TNIK: variants seen among roughly 807,000 people sequenced by gnomAD.
The protein encoded by TNIK is TRAF2 and NCK-interacting protein kinase.
A neutral mutation model predicts 191.3 loss-of-function variants in TNIK; 49 were observed. That is an observed-to-expected ratio of 0.26 (90% CI 0.20 to 0.32). The LOEUF (loss-of-function observed/expected upper bound fraction) is 0.32. TNIK is among the 10% of genes least tolerant of loss of function. TNIK has a pLI of 1.00. For missense variants in TNIK, 1,155 were observed against 1,702.3 expected, an observed-to-expected ratio of 0.68 and a Z score of 5.66; for synonymous variants, 594 against 600.9, an observed-to-expected ratio of 0.99 and a Z score of 0.17.
Position 171,063,106 on chromosome 3 carries a change from TATC to T in TNIK, c.*772_*774del, listed in dbSNP as rs1252714216. On this transcript the variant is annotated 3_prime_UTR_variant, in exon 33 of 33. Coordinates refer to ENST00000436636, the MANE Select transcript of TNIK (RefSeq NM_015028.4). ...GGCCAGCTCAACTCAATGGCGTTAGTATCCTGTTCAACACACTCCATTCTGTAA... is the reference window on the plus strand; with the variant it reads ...GGCCAGCTCAACTCAATGGCGTTAGTCTGTTCAACACACTCCATTCTGTAA... 1 of 152,184 alleles carries T rather than the reference TATC, an allele frequency of 6.6e-6. No individual in the cohort carries two copies. Among genetic ancestry groups the T allele is most frequent in the Admixed American group, 6.5e-5 (1 of 15,268 alleles). The allele number at this position is 152,184 out of a possible 1,614,324, so 9.4% of individuals were successfully genotyped here.
chr3:171,098,632 C>T (rs1418585411), intron 22 of TNIK, among the ~76,000 whole-genome samples: 1 of 152,122 alleles, frequency 6.6e-6, no homozygotes, highest in Non-Finnish European at 1.5e-5. Context: ...TGAGAAGCTT[C>T]TCTGTGTTTA....
intron 1 of TNIK, among the ~76,000 whole-genome samples, chr3:171,447,082 T>A (rs1037396909): frequency 6.6e-6 from 1 of 152,056 alleles, no homozygotes; most frequent in South Asian, 2.1e-4. Flanking sequence ...TCCCAGCTAC[T>A]CAGGAGGCTG....
intron 2 of TNIK, among the ~76,000 whole-genome samples, chr3:171,263,177 G>A (rs1747866414): frequency 6.6e-6 from 1 of 152,140 alleles, no homozygotes; most frequent in Non-Finnish European, 1.5e-5. Context: ...CAAAAAGTAT[G>A]GGATTCTCAC....
chr3:171,404,645 A>G (rs1721429465), intron 1 of TNIK, among the ~76,000 whole-genome samples: 1 of 151,992 alleles, frequency 6.6e-6, no homozygotes, highest in Non-Finnish European at 1.5e-5. Flanking sequence ...TTAAGTTCTT[A>G]TATATTCTCT....
chr3:171,345,553 G>C (rs562062104), intron 2 of TNIK, among the ~76,000 whole-genome samples: 1 of 150,802 alleles, frequency 6.6e-6, no homozygotes, highest in African/African-American at 2.5e-5. Flanking sequence ...CTAATAGACT[G>C]TCAAGAGCTG....
At chr3:171,306,130 CAT>C (rs1268747125) in intron 2 of TNIK, among the ~76,000 whole-genome samples, 2 of 152,090 alleles carry the variant, frequency 1.3e-5, no homozygotes, top group African/African-American at 4.8e-5. Flanking sequence ...CAAAATACCA[CAT>C]GTTCTCACTT....
At chr3:171,155,300 C>G (rs1481430484) in intron 12 of TNIK, among the ~76,000 whole-genome samples, 1 of 152,128 alleles carries the variant, frequency 6.6e-6, no homozygotes, top group Non-Finnish European at 1.5e-5. Context: ...CAGAAGAGTT[C>G]CTGGTGGGAG....
intron 18 of TNIK, among the ~76,000 whole-genome samples, chr3:171,114,016 A>C (rs1316551610): frequency 7.1e-6 from 1 of 140,068 alleles, no homozygotes. Flanking sequence ...AAAAAAAAAA[A>C]AGCAGCATTC....
chr3:171,066,449 T>C, intron 31 of TNIK, 123 bp from the exon 32 acceptor site: 1 of 1,547,942 alleles, frequency 6.5e-7, no homozygotes. Flanking sequence ...AAGCAAGTCT[T>C]ACAAGAGTTA....
chr3:171,107,123 A>C (rs1560120653), intron 21 of TNIK, 60 bp downstream of exon 21: 1 of 1,550,932 alleles, frequency 6.4e-7, no homozygotes, highest in Non-Finnish European at 8.8e-7. Flanking sequence ...TGTCAACATT[A>C]GGAAATAAGT....
chr3:171,216,584 C>T (rs1429292321), intron 3 of TNIK, among the ~76,000 whole-genome samples: 1 of 152,216 alleles, frequency 6.6e-6, no homozygotes, highest in African/African-American at 2.4e-5. Flanking sequence ...CACAAATTAA[C>T]AGGCTGGCGT....
intron 4 of TNIK, among the ~76,000 whole-genome samples, chr3:171,206,046 G>C (rs974307464): frequency 6.6e-6 from 1 of 152,046 alleles, no homozygotes; most frequent in East Asian, 1.9e-4. Context: ...TTCCCAATTA[G>C]TACTCCACCA....
At chr3:171,400,801 C>T (rs980497339) in intron 1 of TNIK, among the ~76,000 whole-genome samples, 5 of 152,152 alleles carry the variant, frequency 3.3e-5, no homozygotes, top group Admixed American at 6.5e-5. Flanking sequence ...CTCCTAAGCA[C>T]CATATGCCCC....
intron 4 of TNIK, among the ~76,000 whole-genome samples, chr3:171,209,141 C>A (rs1174369183): frequency 6.7e-6 from 1 of 148,558 alleles, no homozygotes; most frequent in Non-Finnish European, 1.5e-5. Flanking sequence ...ATTCCATGAG[C>A]AGTGGGTATG....
chr3:171,219,658 T>A (rs1399322781), intron 3 of TNIK, among the ~76,000 whole-genome samples: 3 of 152,112 alleles, frequency 2.0e-5, no homozygotes, highest in Non-Finnish European at 4.4e-5. Context: ...TCATCACTGG[T>A]CATTAGAGAA....
chr3:171,360,042 T>C (rs13084948), intron 2 of TNIK, among the ~76,000 whole-genome samples: 1 of 151,994 alleles, frequency 6.6e-6, no homozygotes, highest in Admixed American at 6.6e-5. Context: ...CAATATGAGG[T>C]GGAATGAAAG....
At chr3:171,293,542 G>A (rs1288977508) in intron 2 of TNIK, among the ~76,000 whole-genome samples, 2 of 152,130 alleles carry the variant, frequency 1.3e-5, no homozygotes, top group South Asian at 2.1e-4. Context: ...CAGTTTTGTG[G>A]TAATATGTCT....
At chr3:171,278,644 G>A (rs1750065522) in intron 2 of TNIK, among the ~76,000 whole-genome samples, 1 of 152,300 alleles carries the variant, frequency 6.6e-6, no homozygotes, top group Admixed American at 6.5e-5. Flanking sequence ...GTGATAGTCT[G>A]CTAAGGAAAC....
intron 2 of TNIK, among the ~76,000 whole-genome samples, chr3:171,262,639 A>C (rs1343754166): frequency 6.6e-6 from 1 of 152,214 alleles, no homozygotes; most frequent in Non-Finnish European, 1.5e-5. Context: ...TGTGGAAAGC[A>C]GTTGTATTAA....
Sources: allele counts gnomAD v4.1 joint callset (sites outside exome capture counted in the v4.1 genomes callset), GRCh38; gene constraint gnomAD v4.1.1; transcripts MANE v1.5; gene names NCBI Gene and HGNC (gene_info 2026-07-23, HGNC 2026-07-21).